The following GNA14 variants were observed in gnomAD, a reference collection of about 807,000 sequenced individuals.
The protein encoded by GNA14 is guanine nucleotide-binding protein subunit alpha-14.
GNA14 carries 50 observed loss-of-function variants against 42.0 expected under a neutral mutation model. The ratio of observed to expected loss-of-function variants is 1.19; its 90% confidence interval spans 0.95 to 1.51. The LOEUF (loss-of-function observed/expected upper bound fraction) is 1.51, where lower values mean the gene tolerates loss of function less well. Ranked by LOEUF, GNA14 falls within the 40% of genes most tolerant of loss-of-function variation. The pLI is 0.00. For missense variants in GNA14, 473 were observed against 446.2 expected (o/e 1.06, Z -0.54); for synonymous variants, 173 against 163.1 (o/e 1.06, Z -0.46).
At chr9:77,550,122 C>T (rs1837771603) in intron 1 of GNA14, among the ~76,000 whole-genome samples, 1 of 152,114 alleles carries the variant, frequency 6.6e-6, no homozygotes, top group South Asian at 2.1e-4. Context: ...GAACACCAGC[C>T]AGGGGTTTCC....
chr9:77,620,573 G>A (rs1587850771), intron 1 of GNA14, among the ~76,000 whole-genome samples: 2 of 152,090 alleles, frequency 1.3e-5, no homozygotes, highest in East Asian at 3.9e-4. Flanking sequence ...CCATTGCTGG[G>A]CGTGGTGGCT....
At chr9:77,496,738 A>G (rs770515536) in intron 2 of GNA14, among the ~76,000 whole-genome samples, 2 of 152,156 alleles carry the variant, frequency 1.3e-5, no homozygotes, top group Non-Finnish European at 2.9e-5. Context: ...TTAACAATGT[A>G]CCTCTTCAGG....
chr9:77,485,853 T>C (rs990942397), intron 2 of GNA14, among the ~76,000 whole-genome samples: 3 of 152,208 alleles, frequency 2.0e-5, no homozygotes, highest in Non-Finnish European at 4.4e-5. Context: ...TAAATCATTC[T>C]GTCTACAGAT....
chr9:77,505,164 T>G (rs1587805161), intron 2 of GNA14, among the ~76,000 whole-genome samples: 1 of 152,162 alleles, frequency 6.6e-6, no homozygotes, highest in East Asian at 1.9e-4. Context: ...CAGACTAAAT[T>G]TGAGAGCCTA....
At chr9:77,643,108 C>G (rs1179793736) in intron 1 of GNA14, among the ~76,000 whole-genome samples, 1 of 152,194 alleles carries the variant, frequency 6.6e-6, no homozygotes, top group Non-Finnish European at 1.5e-5. Context: ...CAACTCAGCC[C>G]TTGGGAAGGA....
intron 1 of GNA14, among the ~76,000 whole-genome samples, chr9:77,565,448 T>G (rs943121923): frequency 2.0e-5 from 3 of 152,192 alleles, no homozygotes; most frequent in Non-Finnish European, 2.9e-5. Flanking sequence ...CACCTGTTTC[T>G]TTTTACCTTT....
intron 5 of GNA14, 92 bp from the exon 6 acceptor site, chr9:77,425,807 G>T: frequency 6.4e-6 from 6 of 943,692 alleles, no homozygotes; most frequent in African/African-American, 1.7e-5. Context: ...CTCTTCCCTT[G>T]CCCCGCCGCA....
chr9:77,502,445 C>A (rs1836991312), intron 2 of GNA14, among the ~76,000 whole-genome samples: 1 of 152,186 alleles, frequency 6.6e-6, no homozygotes, highest in African/African-American at 2.4e-5. Flanking sequence ...AGGGGAGCCA[C>A]CTTGCTATAC....
At chr9:77,502,551 T>A (rs933907497) in intron 2 of GNA14, among the ~76,000 whole-genome samples, 1 of 152,110 alleles carries the variant, frequency 6.6e-6, no homozygotes, top group Non-Finnish European at 1.5e-5. Context: ...TAGGAGAGCC[T>A]CATTGCTGCT....
intron 2 of GNA14, chr9:77,518,081 T>C (rs980964291): frequency 3.3e-5 from 5 of 152,184 alleles, no homozygotes; most frequent in African/African-American, 1.2e-4. Flanking sequence ...CAGCAGAATG[T>C]GATTTTTCAC....
chr9:77,633,123 GAGA>G (rs1437377758), intron 1 of GNA14, among the ~76,000 whole-genome samples: 2 of 152,188 alleles, frequency 1.3e-5, no homozygotes, highest in Non-Finnish European at 2.9e-5. Flanking sequence ...GAGGCTAGCG[GAGA>G]AGGAGGATGA....
At chr9:77,585,097 C>T (rs2117869845) in intron 1 of GNA14, among the ~76,000 whole-genome samples, 1 of 152,242 alleles carries the variant, frequency 6.6e-6, no homozygotes, top group Middle Eastern at 3.4e-3. Flanking sequence ...TAGGTTTCAG[C>T]CTCATTTCAC....
intron 2 of GNA14, among the ~76,000 whole-genome samples, chr9:77,465,783 G>C (rs10869927): frequency 0.27 from 40,362 of 152,032 alleles, 6,147 homozygotes; most frequent in East Asian, 0.49. Flanking sequence ...TTGTTAAAAT[G>C]TTTTATACAG....
At chr9:77,482,177 G>C (rs1836566272) in intron 2 of GNA14, among the ~76,000 whole-genome samples, 1 of 152,196 alleles carries the variant, frequency 6.6e-6, no homozygotes, top group Non-Finnish European at 1.5e-5. Context: ...TGTTTTTGCA[G>C]TGGCTGGTAC....
Position 77,477,557 on chromosome 9 carries a change from C to A in GNA14, c.310-43035G>T, listed in dbSNP as rs539034016. 4.6e-5 allele frequency among the ~76,000 whole-genome samples: 7 copies of A among 152,254 alleles called. 1 individual carries two copies. The South Asian group carries it at 1.5e-3, about 32-fold the overall frequency. ...GTCTCATAATAGGCCACCATCTAAT[C>A]ACCCACCCATAGCACAGAACTTCCT... On this transcript the variant is annotated intron_variant, in intron 2 of 6. Transcript: ENST00000341700.
chr9:77,450,612 C>T (rs773344424), intron 2 of GNA14, among the ~76,000 whole-genome samples: 2 of 151,666 alleles, frequency 1.3e-5, no homozygotes, highest in African/African-American at 2.4e-5. Flanking sequence ...CATCTGAGAT[C>T]GAACAAGCTC....
chr9:77,565,947 T>C (rs1822961130), intron 1 of GNA14, among the ~76,000 whole-genome samples: 1 of 151,950 alleles, frequency 6.6e-6, no homozygotes, highest in Non-Finnish European at 1.5e-5. Context: ...GGATGCTATC[T>C]GGCAAAGAAA....
chr9:77,582,664 T>C (rs1472154679), intron 1 of GNA14, among the ~76,000 whole-genome samples: 1 of 152,198 alleles, frequency 6.6e-6, no homozygotes, highest in African/African-American at 2.4e-5. Flanking sequence ...TGCCACAAGA[T>C]TTAATCATTT....
At chr9:77,613,896 A>C (rs1823771190) in intron 1 of GNA14, among the ~76,000 whole-genome samples, 2 of 152,122 alleles carry the variant, frequency 1.3e-5, no homozygotes, top group South Asian at 4.1e-4. Flanking sequence ...ATGTTCATTA[A>C]GGATTAGCAG....
Sources: gnomAD v4.1 joint callset for allele counts (sites outside exome capture counted in the v4.1 genomes callset) on GRCh38, gnomAD v4.1.1 for gene constraint, MANE v1.5 for transcripts, NCBI Gene and HGNC (gene_info 2026-07-23, HGNC 2026-07-21) for gene names.